HDAC1: variants seen among roughly 807,000 people sequenced by gnomAD.
HDAC1 encodes histone deacetylase 1.
A neutral mutation model predicts 65.5 loss-of-function variants in HDAC1; 18 were observed. The ratio of observed to expected loss-of-function variants is 0.27; its 90% CI spans 0.19 to 0.41. The LOEUF (loss-of-function observed/expected upper bound fraction) is 0.41. HDAC1 is among the 10% of genes least tolerant of loss of function. HDAC1 has a pLI of 1.00. For synonymous variants in HDAC1, 211 were observed against 227.9 expected (o/e 0.93, Z 0.67); for missense variants, 373 against 625.2 (o/e 0.60, Z 4.30).
At chr1:32,312,724 G>A (rs1420219167) in intron 2 of HDAC1, among the ~76,000 whole-genome samples, 5 of 152,020 alleles carry the variant, frequency 3.3e-5, no homozygotes, top group Non-Finnish European at 2.9e-5. Context: ...CGCCCAGGCT[G>A]GAGTGCAGTG....
Position 32,329,199 on chromosome 1 carries a change from G to T in HDAC1, c.729+39G>T, listed in dbSNP as rs372889510. ...TCCACCCCTTGGGCTACAAACAGGG[G>T]ATTGGTTGGCGGTGGAGGGGAGCAA... On this transcript the variant is annotated intron_variant, in intron 7 of 13. Coordinates refer to ENST00000373548, the MANE Select transcript of HDAC1 (RefSeq NM_004964.3). The surrounding 1 kb of genome is among the most constrained non-coding windows in gnomAD (Gnocchi z 4.1). 3.1e-6 allele frequency: 4 copies of T among 1,284,106 alleles called. No individual in the cohort carries two copies. The African/African-American group carries it at 4.4e-5, about 14-fold the overall frequency. The allele number at this position is 1,284,106 out of a possible 1,614,324, so 79.5% of individuals were successfully genotyped here.
At chr1:32,310,865 ATAG>A (rs1274149366) in intron 2 of HDAC1, among the ~76,000 whole-genome samples, 4 of 150,848 alleles carry the variant, frequency 2.7e-5, no homozygotes, top group African/African-American at 9.9e-5. Context: ...GAAAAAAAAA[ATAG>A]AGAGACAGAA....
intron 1 of HDAC1, among the ~76,000 whole-genome samples, chr1:32,302,412 G>T (rs1557600878): frequency 6.6e-6 from 1 of 151,176 alleles, no homozygotes; most frequent in Non-Finnish European, 1.5e-5. Flanking sequence ...AAGTGAGCTA[G>T]ACTGAACCTT....
At chr1:32,305,606 CTTTT>C (rs796787096) in intron 2 of HDAC1, among the ~76,000 whole-genome samples, 1 of 134,562 alleles carries the variant, frequency 7.4e-6, no homozygotes, top group East Asian at 2.1e-4. Context: ...CATTGGTTGT[CTTTT>C]TTTTTTTTTT....
At position 32,330,738 on chromosome 1, in the gene HDAC1, T is replaced by C; in HGVS notation, c.839-30T>C. The C allele has an allele frequency of 6.2e-7, 1 of 1,614,020 alleles. No homozygotes were observed. Among genetic ancestry groups the C allele is most frequent in the South Asian group, 1.1e-5 (1 of 91,084 alleles). On this transcript the variant is annotated intron_variant, in intron 8 of 13. Coordinates refer to ENST00000373548, the MANE Select transcript of HDAC1 (RefSeq NM_004964.3). This position sits in a 1 kb window ranked among gnomAD's most constrained non-coding sequence, Gnocchi z 4.2. The stretch of plus-strand genomic sequence containing the variant: ...TGGGCGGGGTCCTGCTTGGTGCTCC[T>C]GTAACTCAGCACCCCTTCTCCCACC...
intron 1 of HDAC1, among the ~76,000 whole-genome samples, chr1:32,295,646 A>G (rs1471045055): frequency 2.6e-5 from 4 of 152,182 alleles, no homozygotes; most frequent in Non-Finnish European, 5.9e-5. Flanking sequence ...CTTGAGACCT[A>G]AACACCTCCC....
Position 32,292,694 on chromosome 1 carries a change from T to C in HDAC1, c.49+476T>C, listed in dbSNP as rs533569632. The stretch of plus-strand genomic sequence containing the variant: ...GGGGCCTGCGGTTGCTACTGCGACG[T>C]GGGGCGCCAGGGGTTGCAAGGAGAA... On this transcript the variant is annotated intron_variant, in intron 1 of 13. Transcript: ENST00000373548. Among the ~76,000 whole-genome samples, 116 of 152,092 alleles carry C rather than the reference T, an allele frequency of 7.6e-4. 1 individual carries two copies. In the Middle Eastern group the frequency reaches 0.014, roughly 18 times the overall value.
intron 1 of HDAC1, among the ~76,000 whole-genome samples, chr1:32,300,123 G>A (rs954488808): frequency 6.6e-6 from 1 of 152,066 alleles, no homozygotes; most frequent in African/African-American, 2.4e-5. Flanking sequence ...TCCGAAGAGT[G>A]GACTCCAGAT....
intron 2 of HDAC1, among the ~76,000 whole-genome samples, chr1:32,311,852 G>A (rs1640996244): frequency 6.6e-6 from 1 of 152,182 alleles, no homozygotes; most frequent in African/African-American, 2.4e-5. Flanking sequence ...TGAATCTGGA[G>A]CTCAGAACTA....
At chr1:32,311,458 C>T (rs563115084) in intron 2 of HDAC1, among the ~76,000 whole-genome samples, 3 of 151,774 alleles carry the variant, frequency 2.0e-5, no homozygotes, top group African/African-American at 7.2e-5. Context: ...CAGAGTGAGA[C>T]TCTGTCTCGA....
chr1:32,311,148 G>A (rs1042597346), intron 2 of HDAC1, among the ~76,000 whole-genome samples: 7 of 152,108 alleles, frequency 4.6e-5, no homozygotes, highest in African/African-American at 1.7e-4. Context: ...GTTGAATGTA[G>A]CGGATGAAAA....
chr1:32,324,935 T>C (rs1201881728), intron 4 of HDAC1, among the ~76,000 whole-genome samples: 1 of 152,060 alleles, frequency 6.6e-6, no homozygotes, highest in Non-Finnish European at 1.5e-5. Context: ...CACTACACTC[T>C]AGCCTGGGCA....
At chr1:32,295,173 G>A (rs1159897125) in intron 1 of HDAC1, among the ~76,000 whole-genome samples, 1 of 152,124 alleles carries the variant, frequency 6.6e-6, no homozygotes, top group Non-Finnish European at 1.5e-5. Flanking sequence ...CAGTACTTTG[G>A]TAGGCTGGGG....
In HDAC1 at chr1:32,297,649, C is replaced by T. The variant is rs1362896896; in HGVS notation, c.50-4972C>T. Among the ~76,000 whole-genome samples the T allele has an allele frequency of 2.6e-5, 4 of 152,082 alleles. No homozygotes were observed. In the South Asian group the frequency reaches 6.2e-4, roughly 24 times the overall value. ...CGGGGGGGACGGAGTCTTGCTCTGTCGCCCAGGCTGGAGTGCAGTGGCGCC... is the reference window on the plus strand; with the variant it reads ...CGGGGGGGACGGAGTCTTGCTCTGTTGCCCAGGCTGGAGTGCAGTGGCGCC... On this transcript the variant is annotated intron_variant, in intron 1 of 13. Coordinates refer to ENST00000373548, the MANE Select transcript of HDAC1 (RefSeq NM_004964.3).
At position 32,331,850 on chromosome 1, in the gene HDAC1, A is replaced by G; in HGVS notation, c.1219+44A>G. On this transcript the variant is annotated intron_variant, in intron 11 of 13. Coordinates refer to ENST00000373548, the MANE Select transcript of HDAC1 (RefSeq NM_004964.3). This position sits in a 1 kb window ranked among gnomAD's most constrained non-coding sequence, Gnocchi z 4.2. ...GCCCTATGCCTTCCATTCAATAGGC[A>G]GCTCACACTTCCACCACCATTCCTG... The G allele has an allele frequency of 6.4e-7, 1 of 1,559,382 alleles. No homozygotes were observed. The highest frequency in any genetic ancestry group is 8.7e-7 in the Non-Finnish European group (1 of 1,151,192).
chr1:32,325,934 G>A (rs1641211018), intron 4 of HDAC1, among the ~76,000 whole-genome samples: 1 of 151,976 alleles, frequency 6.6e-6, no homozygotes, highest in Admixed American at 6.6e-5. Context: ...GGCTGAGGCA[G>A]GAGAATTGCT....
At chr1:32,304,204 C>T (rs1640883658) in intron 2 of HDAC1, among the ~76,000 whole-genome samples, 1 of 152,096 alleles carries the variant, frequency 6.6e-6, no homozygotes, top group African/African-American at 2.4e-5. Flanking sequence ...TTTTTGTCAC[C>T]ATTCCAGAGA....
Position 32,330,843 on chromosome 1 carries a change from T to C in HDAC1, c.914T>C (p.Ile305Thr). Residue 305 changes from isoleucine (I) to threonine (T), a missense_variant, in exon 9 of 14, where the codon ATT becomes ACT. Coordinates refer to ENST00000373548, the MANE Select transcript of HDAC1 (RefSeq NM_004964.3). The surrounding 1 kb of genome is among the most constrained non-coding windows in gnomAD (Gnocchi z 4.2). ...ATGCTGGGAGGCGGTGGTTACACCA[T>C]TCGTAACGTTGCCCGGTGCTGGACA... ...MLMLGGGGYT[I>T]RNVARCWTYE... The C allele has an allele frequency of 6.2e-7, 1 of 1,614,144 alleles. No individual in the cohort carries two copies. The highest frequency in any genetic ancestry group is 1.1e-5 in the South Asian group (1 of 91,086).
Position 32,329,190 on chromosome 1 carries a change from C to A in HDAC1, c.729+30C>A. 1 of 1,341,560 alleles carries A rather than the reference C, an allele frequency of 7.5e-7. No homozygotes were observed. Among genetic ancestry groups the A allele is most frequent in the Non-Finnish European group, 1.1e-6 (1 of 930,956 alleles). The allele number at this position is 1,341,560 out of a possible 1,614,324, so 83.1% of individuals were successfully genotyped here. On this transcript the variant is annotated intron_variant, in intron 7 of 13. Coordinates refer to ENST00000373548, the MANE Select transcript of HDAC1 (RefSeq NM_004964.3). The surrounding 1 kb of genome is among the most constrained non-coding windows in gnomAD (Gnocchi z 4.1). Reference sequence around the variant, plus strand: ...GTGGCTTTATCCACCCCTTGGGCTACAAACAGGGGATTGGTTGGCGGTGGA... The same window carrying A: ...GTGGCTTTATCCACCCCTTGGGCTAAAAACAGGGGATTGGTTGGCGGTGGA...
Sources: allele counts gnomAD v4.1 joint callset (sites outside exome capture counted in the v4.1 genomes callset), GRCh38; gene constraint gnomAD v4.1.1; non-coding constraint Gnocchi (gnomAD v3.1); transcripts MANE v1.5; gene names NCBI Gene and HGNC (gene_info 2026-07-23, HGNC 2026-07-21).